The following UNC79 variants were observed in gnomAD, a reference collection of about 807,000 sequenced individuals.
UNC79 encodes unc-79 subunit of NALCN channel complex.
A neutral mutation model predicts 283.1 loss-of-function variants in UNC79; 37 were observed. The ratio of observed to expected loss-of-function variants is 0.13; its 90% CI spans 0.10 to 0.17. The LOEUF (loss-of-function observed/expected upper bound fraction) is 0.17. UNC79 is among the 10% of genes least tolerant of loss of function. UNC79 has a pLI of 1.00. For missense variants in UNC79, 2,272 were observed against 3,211.1 expected (o/e 0.71, Z 7.07); for synonymous variants, 1,107 against 1,200.2 (o/e 0.92, Z 1.61).
intron 7 of UNC79, among the ~76,000 whole-genome samples, chr14:93,513,203 TTTCCTTCCTTCCTTCCTTCTTTCCTTCC>T (rs2059909671): frequency 9.2e-6 from 1 of 109,258 alleles, no homozygotes; most frequent in Non-Finnish European, 1.9e-5. Flanking sequence ...TCCTTCCTTC[TTTCCTTCCTTCCTTCCTTCTTTCCTTCC>T]TTCCTTCCTA....
At chr14:93,552,254 C>T (rs970868810) in intron 14 of UNC79, among the ~76,000 whole-genome samples, 4 of 152,086 alleles carry the variant, frequency 2.6e-5, no homozygotes, top group South Asian at 4.1e-4. Context: ...TAATAAGAGA[C>T]ATTTCTATGG....
intron 35 of UNC79, among the ~76,000 whole-genome samples, chr14:93,651,912 A>ATTTTTTTTTTTTTTTTTTTTTTTTTTTTT (rs71129653): frequency 4.3e-5 from 2 of 46,602 alleles, no homozygotes; most frequent in Non-Finnish European, 8.1e-5. Flanking sequence ...CTAATTTTGT[A>ATTTTTTTTTTTTTTTTTTTTTTTTTTTTT]TTTTTTTTTT....
At chr14:93,649,228 A>G (rs2069976042) in intron 35 of UNC79, among the ~76,000 whole-genome samples, 1 of 152,120 alleles carries the variant, frequency 6.6e-6, no homozygotes, top group Admixed American at 6.5e-5. Flanking sequence ...TTGACATCGC[A>G]TTTCTATAAT....
At chr14:93,704,019 C>A (rs2075707302) in intron 47 of UNC79, among the ~76,000 whole-genome samples, 1 of 152,170 alleles carries the variant, frequency 6.6e-6, no homozygotes, top group Non-Finnish European at 1.5e-5. Context: ...CAGGAAGGAC[C>A]ACATCAGAGG....
intron 1 of UNC79, among the ~76,000 whole-genome samples, chr14:93,406,400 T>C (rs999992746): frequency 3.9e-5 from 6 of 151,924 alleles, no homozygotes; most frequent in African/African-American, 1.5e-4. Flanking sequence ...CTAGGCAACA[T>C]AGTGAGACCC....
At chr14:93,567,827 C>A (rs931506611) in intron 14 of UNC79, among the ~76,000 whole-genome samples, 7 of 152,116 alleles carry the variant, frequency 4.6e-5, no homozygotes, top group Non-Finnish European at 2.9e-5. Flanking sequence ...AGACATGTGC[C>A]CAAGGTGCTC....
At chr14:93,632,927 T>A (rs2068156938) in intron 31 of UNC79, among the ~76,000 whole-genome samples, 1 of 152,134 alleles carries the variant, frequency 6.6e-6, no homozygotes, top group African/African-American at 2.4e-5. Context: ...TAGCTCTTGG[T>A]GGTGTGTTCT....
exon 17 of UNC79, chr14:93,575,165 C>G: frequency 1.9e-6 from 3 of 1,613,926 alleles, no homozygotes; most frequent in Non-Finnish European, 2.5e-6. Flanking sequence ...AATCAAGAGT[C>G]AGTGAACTGG....
intron 14 of UNC79, among the ~76,000 whole-genome samples, chr14:93,544,518 C>T: frequency 6.6e-6 from 1 of 152,168 alleles, no homozygotes; most frequent in Admixed American, 6.5e-5. Flanking sequence ...TTTGCATCTT[C>T]TTTAGCTTAA....
chr14:93,601,549 G>A (rs2065509258), intron 25 of UNC79, among the ~76,000 whole-genome samples: 1 of 152,124 alleles, frequency 6.6e-6, no homozygotes, highest in Non-Finnish European at 1.5e-5. Flanking sequence ...ATTGTGAATT[G>A]TGCTGCTATA....
At chr14:93,595,007 A>G (rs1489728946) in intron 23 of UNC79, among the ~76,000 whole-genome samples, 1 of 151,760 alleles carries the variant, frequency 6.6e-6, no homozygotes, top group African/African-American at 2.4e-5. Context: ...ATGACAGCAC[A>G]TCATGTTGTG....
chr14:93,572,135 T>C (rs886338161), intron 15 of UNC79, 51 bp downstream of exon 15: 1 of 1,582,518 alleles, frequency 6.3e-7, no homozygotes, highest in South Asian at 1.1e-5. Flanking sequence ...TATCTAACGT[T>C]TGGTGAGCAT....
At chr14:93,686,333 G>A (rs1209050773) in intron 42 of UNC79, among the ~76,000 whole-genome samples, 4 of 152,190 alleles carry the variant, frequency 2.6e-5, no homozygotes, top group Admixed American at 6.5e-5. Flanking sequence ...GTGGATAAAA[G>A]CATTTAGCCC....
At chr14:93,385,923 G>A (rs1264177070) in intron 1 of UNC79, among the ~76,000 whole-genome samples, 3 of 152,290 alleles carry the variant, frequency 2.0e-5, no homozygotes, top group African/African-American at 4.8e-5. Flanking sequence ...TGCAAACAAG[G>A]ATGATTTGAC....
At chr14:93,560,627 G>T (rs1047267821) in intron 14 of UNC79, among the ~76,000 whole-genome samples, 1 of 151,706 alleles carries the variant, frequency 6.6e-6, no homozygotes, top group Non-Finnish European at 1.5e-5. Context: ...GTCATGAGGG[G>T]AACAGGGAGC....
Position 93,417,277 on chromosome 14 carries a change from A to C in UNC79, c.-350-50394A>C, listed in dbSNP as rs1052257082. ...AAAGTATTTTATTTCTCCTTCACTT[A>C]TGAAGCTTAGTTTGGCTGGATATGA... On this transcript the variant is annotated intron_variant, in intron 1 of 49. Transcript: ENST00000256339. Among the ~76,000 whole-genome samples, 741 of 151,954 alleles carry C rather than the reference A, an allele frequency of 4.9e-3. 5 individuals carry two copies. The highest frequency in any genetic ancestry group is 0.017 in the African/African-American group (691 of 41,492).
At chr14:93,353,634 AT>A (rs1386597480) in intron 1 of UNC79, among the ~76,000 whole-genome samples, 1 of 152,182 alleles carries the variant, frequency 6.6e-6, no homozygotes, top group African/African-American at 2.4e-5. Context: ...TTTGCTTAAC[AT>A]TTCCTCTTGA....
chr14:93,533,105 C>G (rs1267044312), intron 11 of UNC79, among the ~76,000 whole-genome samples: 1 of 151,966 alleles, frequency 6.6e-6, no homozygotes, highest in Admixed American at 6.6e-5. Flanking sequence ...TAAACCACCT[C>G]CATCTTCTCT....
At chr14:93,334,657 C>T (rs1476964796) in intron 1 of UNC79, 1 of 152,184 alleles carries the variant, frequency 6.6e-6, no homozygotes, top group Non-Finnish European at 1.5e-5. Context: ...ACAGTTAACA[C>T]TTGAACAACA....
Sources: gnomAD v4.1 joint callset for allele counts (sites outside exome capture counted in the v4.1 genomes callset) on GRCh38, gnomAD v4.1.1 for gene constraint, MANE v1.5 for transcripts, NCBI Gene and HGNC (gene_info 2026-07-23, HGNC 2026-07-21) for gene names.